Variants in PAPOLG observed in about 807,000 individuals in gnomAD.
The protein encoded by PAPOLG is poly(A) polymerase gamma, also known as PAP-gamma.
Under a neutral mutation model 99.0 loss-of-function variants are expected in PAPOLG, and 40 were observed. That is an observed-to-expected ratio of 0.40 (90% CI 0.31 to 0.53). The LOEUF is 0.53. PAPOLG is among the 20% of genes least tolerant of loss of function. The pLI, the probability that PAPOLG is intolerant of heterozygous loss-of-function variation, is 0.41. For synonymous variants in PAPOLG, 310 were observed against 299.3 expected (o/e 1.04, Z -0.37); for missense variants, 675 against 884.1 (o/e 0.76, Z 3.00).
Position 60,783,191 on chromosome 2 carries a change from A to G in PAPOLG, c.1148A>G (p.Glu383Gly). The G allele has an allele frequency of 6.3e-7, 1 of 1,589,296 alleles. No homozygotes were observed. Among genetic ancestry groups the G allele is most frequent in the South Asian group, 1.2e-5 (1 of 85,488 alleles). Residue 383 changes from glutamate to glycine, a missense_variant, in exon 13 of 22, where the codon GAA (glutamate) becomes GGA (glycine). By Grantham distance (98) the Glu-to-Gly change is moderately conservative. Coordinates refer to ENST00000238714, the MANE Select transcript of PAPOLG (RefSeq NM_022894.4). ...GTATTGACTGCCAGCGCATCAACAG[A>G]AGAAAACCATCTAGAGTGGTAAGAC... The part of the protein sequence containing the change: ...YIVLTASAST[E>G]ENHLEWVGLV...
At position 60,797,043 on chromosome 2, in the gene PAPOLG, T is replaced by C. The variant is rs1267885889; in HGVS notation, c.2113-19T>C. 1 of 1,612,488 alleles carries C rather than the reference T, an allele frequency of 6.2e-7. No individual in the cohort carries two copies. ...TATGATGTGCTTTTCCTTTTTTGTTTCCTCTTTCTTTCTAATAGAGACTAC... is the reference window on the plus strand; with the variant it reads ...TATGATGTGCTTTTCCTTTTTTGTTCCCTCTTTCTTTCTAATAGAGACTAC... On this transcript the variant is annotated intron_variant, in intron 21 of 21. Coordinates refer to ENST00000238714, the MANE Select transcript of PAPOLG (RefSeq NM_022894.4).
Position 60,796,246 on chromosome 2 carries a change from C to CTCG in PAPOLG, c.2113-815_2113-813dup, listed in dbSNP as rs1671695862. Among the ~76,000 whole-genome samples the CTCG allele has an allele frequency of 7.6e-5, 9 of 117,902 alleles. No individual in the cohort carries two copies. In the Admixed American group the frequency reaches 9.1e-4, roughly 12 times the overall value. 77.3% of individuals were successfully genotyped at this position (117,902 alleles called of 152,430 possible). A position where few individuals can be genotyped will look rare whatever the true frequency, so the allele number is the denominator to read the frequency against. On this transcript the variant is annotated intron_variant, in intron 21 of 21. Transcript: ENST00000238714. Reference sequence around the variant, plus strand: ...TTTTTTTTTTTTTTGGACATGGAGGCTCGCTCTGTAGCCCAGGTTGGAGTG... The same window carrying CTCG: ...TTTTTTTTTTTTTTGGACATGGAGGCTCGTCGCTCTGTAGCCCAGGTTGGAGTG...
intron 6 of PAPOLG, among the ~76,000 whole-genome samples, chr2:60,771,207 A>G (rs1670842321): frequency 6.6e-6 from 1 of 152,202 alleles, no homozygotes. Context: ...TGAGGTTTCA[A>G]GAGGGAGTGA....
intron 5 of PAPOLG, among the ~76,000 whole-genome samples, chr2:60,769,400 CAA>C (rs1670780960): frequency 6.6e-6 from 1 of 152,182 alleles, no homozygotes; most frequent in East Asian, 1.9e-4. Context: ...CAATAGTAAA[CAA>C]GACATTGTTT....
chr2:60,783,703 G>T (rs1431694867), intron 13 of PAPOLG, among the ~76,000 whole-genome samples: 1 of 149,738 alleles, frequency 6.7e-6, no homozygotes, highest in East Asian at 2.0e-4. Context: ...TAGTAGAGAT[G>T]GGGTTTTACC....
rs1272261619 is a variant in PAPOLG, at chr2:60,798,253, T to TATA, written c.*1094_*1096dup. 1.5e-4 allele frequency: 23 copies of TATA among 152,938 alleles called. No individual in the cohort carries two copies. In the East Asian group the frequency reaches 4.3e-3, roughly 29 times the overall value. 9.5% of individuals were successfully genotyped at this position (152,938 alleles called of 1,614,324 possible). On this transcript the variant is annotated 3_prime_UTR_variant, in exon 22 of 22. Transcript: ENST00000238714. The stretch of plus-strand genomic sequence containing the variant: ...AGGACCTTTGTAATTTTTATTTAAC[T>TATA]ATATGAGTTGTCTTTTTTTACGCTG...
chr2:60,795,316 T>C (rs1198341514), intron 21 of PAPOLG: 2 of 529,938 alleles, frequency 3.8e-6, no homozygotes, highest in Non-Finnish European at 7.3e-6. Context: ...AGCACATTAA[T>C]TTCTTACCAA....
intron 15 of PAPOLG, 100 bp downstream of exon 15, chr2:60,787,720 A>C (rs577796269): frequency 6.9e-7 from 1 of 1,439,016 alleles, no homozygotes; most frequent in Non-Finnish European, 9.4e-7. Context: ...AAGTTCCACA[A>C]TTGGTTAAGT....
intron 3 of PAPOLG, among the ~76,000 whole-genome samples, chr2:60,768,266 T>C (rs1272726815): frequency 6.6e-6 from 1 of 152,208 alleles, no homozygotes. Flanking sequence ...CACGCCCAGC[T>C]AACTTTTGTA....
intron 3 of PAPOLG, among the ~76,000 whole-genome samples, chr2:60,763,583 A>G (rs1670585141): frequency 6.6e-6 from 1 of 152,148 alleles, no homozygotes; most frequent in Non-Finnish European, 1.5e-5. Context: ...AGCTCACAGC[A>G]GCCTCTACCT....
At chr2:60,771,799 T>C (rs776986328) in intron 7 of PAPOLG, among the ~76,000 whole-genome samples, 169 bp downstream of exon 7, 13 of 152,200 alleles carry the variant, frequency 8.5e-5, no homozygotes, top group Non-Finnish European at 1.5e-4. Context: ...ACCACAAATT[T>C]ATTTGAAAGG....
In PAPOLG at chr2:60,781,839, A is replaced by G. The variant is rs765632754; in HGVS notation, c.907-46A>G. ...CTTTTGGGGAAATGAAGTGAGAACA[A>G]CTGAAATAGGAGAATAGATCAGTTA... is the stretch of plus-strand genomic sequence containing the variant. On this transcript the variant is annotated intron_variant, in intron 10 of 21. Coordinates refer to ENST00000238714, the MANE Select transcript of PAPOLG (RefSeq NM_022894.4). 7.5e-6 allele frequency: 12 copies of G among 1,609,426 alleles called. No individual in the cohort carries two copies. The South Asian group carries it at 1.2e-4, about 16-fold the overall frequency.
At chr2:60,775,178 C>T in intron 8 of PAPOLG, 55 bp downstream of exon 8, 2 of 1,546,728 alleles carry the variant, frequency 1.3e-6, no homozygotes, top group Non-Finnish European at 8.7e-7. Flanking sequence ...TTTCTCTTGC[C>T]AGTGAAAGAA....
rs565149686 is a variant in PAPOLG, at chr2:60,794,281, G to A, written c.1989+90G>A. The A allele has an allele frequency of 1.8e-5, 23 of 1,282,472 alleles. No individual in the cohort carries two copies. The South Asian group carries it at 2.1e-4, about 12-fold the overall frequency. The allele number at this position is 1,282,472 out of a possible 1,614,324, so 79.4% of individuals were successfully genotyped here. ...AATTTTCCATAGCTGTTGGTGTTCT[G>A]TTAGGAGTTGGCTGAAAAGAATATT... On this transcript the variant is annotated intron_variant, in intron 19 of 21. Transcript: ENST00000238714.
rs865955360 is a variant in PAPOLG, at chr2:60,797,069, C to A, written c.2120C>A (p.Pro707His). The change falls in exon 22 of 22, where the codon CCC (proline) becomes CAC (histidine). Residue 707 changes from proline to histidine, a missense_variant. Pro to His is a moderately conservative substitution (Grantham distance 77). This residue lies in a region of PAPOLG where 413 missense variants were observed against 460.5 expected (regional missense o/e 0.90). Transcript: ENST00000238714. ...TIDTSRKKRL[P>H]SKELPDSSSP... Reference sequence around the variant, plus strand: ...CCTCTTTCTTTCTAATAGAGACTACCCAGTAAAGAACTACCAGATTCATCA... The same window carrying A: ...CCTCTTTCTTTCTAATAGAGACTACACAGTAAAGAACTACCAGATTCATCA... The A allele has an allele frequency of 6.8e-6, 11 of 1,611,740 alleles. 1 individual carries two copies. In the Middle Eastern group the frequency reaches 1.8e-3, roughly 266 times the overall value.
chr2:60,776,950 C>T (rs1013227718), intron 8 of PAPOLG, among the ~76,000 whole-genome samples: 15 of 152,244 alleles, frequency 9.9e-5, no homozygotes, highest in African/African-American at 3.6e-4. Flanking sequence ...GCAACTTCTG[C>T]ATCAGCACTT....
rs1272333259 is a variant in PAPOLG at position 60,801,884 on chromosome 2, A to T, written c.*4724A>T. On this transcript the variant is annotated 3_prime_UTR_variant, in exon 22 of 22. Coordinates refer to ENST00000238714, the MANE Select transcript of PAPOLG (RefSeq NM_022894.4). ...GTACTTATCTTAGAAAGTACTTAGG[A>T]TATCTTTGAGATTAATGGTGCTACA... The T allele has an allele frequency of 6.6e-6, 1 of 152,364 alleles. No homozygotes were observed. The highest frequency in any genetic ancestry group is 2.4e-5 in the African/African-American group (1 of 41,450). The allele number at this position is 152,364 out of a possible 1,614,324, so 9.4% of individuals were successfully genotyped here.
intron 21 of PAPOLG, among the ~76,000 whole-genome samples, chr2:60,796,787 A>T (rs1671719873): frequency 6.6e-6 from 1 of 151,466 alleles, no homozygotes; most frequent in Non-Finnish European, 1.5e-5. Flanking sequence ...CAGGCATGGC[A>T]GTTCCTCTTT....
At chr2:60,765,523 C>T (rs1670652291) in intron 3 of PAPOLG, among the ~76,000 whole-genome samples, 1 of 151,830 alleles carries the variant, frequency 6.6e-6, no homozygotes, top group Non-Finnish European at 1.5e-5. Context: ...AGGCATGAGC[C>T]ACCACTCACA....
Sources: gnomAD v4.1 joint callset for allele counts (sites outside exome capture counted in the v4.1 genomes callset) on GRCh38, gnomAD v4.1.1 for gene constraint, gnomAD v4.1.1 regional missense constraint, MANE v1.5 for transcripts, NCBI Gene and HGNC (gene_info 2026-07-23, HGNC 2026-07-21) for gene names.